RALYL: variants seen among roughly 807,000 people sequenced by gnomAD.
The protein encoded by RALYL is RALY RNA binding protein like, also known as RNA-binding Raly-like protein.
Under a neutral mutation model 35.1 loss-of-function variants are expected in RALYL, and 29 were observed. That is an observed-to-expected ratio of 0.83 (90% CI 0.61 to 1.13). The LOEUF (loss-of-function observed/expected upper bound fraction) is 1.13, where lower values mean the gene tolerates loss of function less well. Among genes scored for constraint, RALYL ranks in the 50% most tolerant of loss-of-function variants. RALYL has a pLI of 0.00. For synonymous variants in RALYL, 120 were observed against 127.6 expected (o/e 0.94, Z 0.40); for missense variants, 359 against 360.4 (o/e 1.00, Z 0.03).
chr8:84,811,599 C>T (rs1309433778), intron 4 of RALYL, among the ~76,000 whole-genome samples: 1 of 152,088 alleles, frequency 6.6e-6, no homozygotes, highest in Non-Finnish European at 1.5e-5. Context: ...GATTTTTCCC[C>T]CAAATATGTT....
At chr8:84,873,235 A>T (rs200586079) in intron 6 of RALYL, 49 bp from the exon 7 acceptor site, 4 of 1,020,850 alleles carry the variant, frequency 3.9e-6, no homozygotes, top group Non-Finnish European at 6.0e-6. Flanking sequence ...TAGGTGAGTT[A>T]TGGTGCATTT....
chr8:84,320,680 C>T (rs1034340006), intron 1 of RALYL, among the ~76,000 whole-genome samples: 1 of 152,052 alleles, frequency 6.6e-6, no homozygotes, highest in African/African-American at 2.4e-5. Context: ...TATTAGAGTA[C>T]AATAAATGAC....
At chr8:84,473,514 C>G (rs1028853940) in intron 1 of RALYL, among the ~76,000 whole-genome samples, 1 of 151,410 alleles carries the variant, frequency 6.6e-6, no homozygotes. Context: ...AAGAAGTTAT[C>G]CTTAAATGGT....
chr8:84,869,930 G>C (rs967853610), intron 6 of RALYL, among the ~76,000 whole-genome samples: 1 of 152,090 alleles, frequency 6.6e-6, no homozygotes, highest in East Asian at 1.9e-4. Context: ...TTTGTCAACT[G>C]TATCAGAATG....
chr8:84,682,739 T>G (rs1835844216), intron 2 of RALYL, among the ~76,000 whole-genome samples: 1 of 152,138 alleles, frequency 6.6e-6, no homozygotes, highest in Admixed American at 6.5e-5. Context: ...CTTTTCTTCT[T>G]TATTAGTCTT....
At chr8:84,438,935 G>T (rs2048031528) in intron 1 of RALYL, among the ~76,000 whole-genome samples, 1 of 133,778 alleles carries the variant, frequency 7.5e-6, no homozygotes, top group Non-Finnish European at 1.6e-5. Flanking sequence ...ATGTTCCCTT[G>T]GTCTATGTAT....
rs560103066 is a variant in RALYL at position 84,307,731 on chromosome 8, G to A, written c.-24+123307G>A. On this transcript the variant is annotated intron_variant, in intron 1 of 8. Coordinates refer to ENST00000521268, the MANE Select transcript of RALYL (RefSeq NM_173848.7). ...CAAGGACCGCCCCAGTTACACATCT[G>A]AGAAAACCAATCCAGTTCACTTTTC... 2.0e-5 allele frequency among the ~76,000 whole-genome samples: 3 copies of A among 152,276 alleles called. No individual in the cohort carries two copies. In the East Asian group the frequency reaches 5.8e-4, roughly 29 times the overall value.
At chr8:84,719,949 C>A (rs920155243) in intron 2 of RALYL, among the ~76,000 whole-genome samples, 4 of 152,052 alleles carry the variant, frequency 2.6e-5, no homozygotes, top group African/African-American at 9.7e-5. Context: ...TCTTTGGTAG[C>A]CACAATTCTA....
chr8:84,766,885 A>G (rs1020761688), intron 2 of RALYL, among the ~76,000 whole-genome samples: 5 of 152,110 alleles, frequency 3.3e-5, no homozygotes, highest in South Asian at 2.1e-4. Flanking sequence ...TTGAGCATCT[A>G]TTGCATAAAC....
chr8:84,833,951 T>G (rs1208584837), intron 4 of RALYL, among the ~76,000 whole-genome samples: 1 of 151,676 alleles, frequency 6.6e-6, no homozygotes, highest in Non-Finnish European at 1.5e-5. Flanking sequence ...ATTATAATTA[T>G]TATCATCTGT....
chr8:84,693,033 C>G (rs1157564096), intron 2 of RALYL, among the ~76,000 whole-genome samples: 3 of 151,968 alleles, frequency 2.0e-5, no homozygotes, highest in Non-Finnish European at 2.9e-5. Flanking sequence ...TTTTAAATGT[C>G]TAACTTCCAA....
chr8:84,299,299 T>C (rs560817392), intron 1 of RALYL, among the ~76,000 whole-genome samples: 62 of 152,258 alleles, frequency 4.1e-4, no homozygotes, highest in African/African-American at 1.2e-3. Context: ...GAACCAAACT[T>C]GCATCCTAGA....
intron 5 of RALYL, among the ~76,000 whole-genome samples, chr8:84,851,857 A>G (rs1835920738): frequency 2.0e-5 from 3 of 152,138 alleles, no homozygotes; most frequent in Admixed American, 1.3e-4. Flanking sequence ...CAGCACTGTT[A>G]CTTCACAGCA....
Position 84,780,955 on chromosome 8 carries a change from T to A in RALYL, c.332+6301T>A, listed in dbSNP as rs374665051. 3.9e-5 allele frequency among the ~76,000 whole-genome samples: 6 copies of A among 152,290 alleles called. No individual in the cohort carries two copies. In the East Asian group the frequency reaches 9.6e-4, roughly 24 times the overall value. ...CTCACTGCAACCTCCGCCTCCCAGG[T>A]TCGAGTGATCTTCCCACCTCAGTCT... On this transcript the variant is annotated intron_variant, in intron 3 of 8. Coordinates refer to ENST00000521268, the MANE Select transcript of RALYL (RefSeq NM_173848.7).
intron 1 of RALYL, among the ~76,000 whole-genome samples, chr8:84,227,006 T>C (rs1478424997): frequency 1.3e-5 from 2 of 151,740 alleles, no homozygotes; most frequent in East Asian, 3.9e-4. Flanking sequence ...TGTGTGTATG[T>C]ACATGTTTAT....
At chr8:84,624,602 C>T (rs529196326) in intron 2 of RALYL, among the ~76,000 whole-genome samples, 1 of 152,196 alleles carries the variant, frequency 6.6e-6, no homozygotes, top group Non-Finnish European at 1.5e-5. Context: ...ATCAGGACAT[C>T]TCCCCATCTC....
At chr8:84,489,290 G>A (rs1241442731) in intron 1 of RALYL, among the ~76,000 whole-genome samples, 1 of 151,890 alleles carries the variant, frequency 6.6e-6, no homozygotes, top group Non-Finnish European at 1.5e-5. Context: ...GCTTATACTA[G>A]GAGCTCTGAA....
chr8:84,799,245 TTAAG>T (rs1822628706), intron 3 of RALYL, among the ~76,000 whole-genome samples: 1 of 152,188 alleles, frequency 6.6e-6, no homozygotes, highest in Admixed American at 6.5e-5. Context: ...TTCACCACGG[TTAAG>T]TGTTACAGAG....
chr8:84,888,841 C>G (rs1031809920), intron 8 of RALYL, among the ~76,000 whole-genome samples: 4 of 152,130 alleles, frequency 2.6e-5, no homozygotes, highest in African/African-American at 9.7e-5. Context: ...CCTCCGCCCC[C>G]CTGGTTCAAG....
Sources: allele counts gnomAD v4.1 joint callset (sites outside exome capture counted in the v4.1 genomes callset), GRCh38; gene constraint gnomAD v4.1.1; transcripts MANE v1.5; gene names NCBI Gene and HGNC (gene_info 2026-07-23, HGNC 2026-07-21).